The following KIAA1210 variants were observed in gnomAD, a reference collection of about 807,000 sequenced individuals.
KIAA1210 encodes the protein acrosomal protein KIAA1210.
In KIAA1210, 48 loss-of-function variants were observed where a neutral mutation model predicts 78.9. That is an observed-to-expected ratio of 0.61 (90% CI 0.48 to 0.77). The LOEUF is 0.77. Among genes scored for constraint, KIAA1210 ranks in the 30% least tolerant of loss-of-function variants. The pLI, the probability that KIAA1210 is intolerant of heterozygous loss-of-function variation, is 0.00. For synonymous variants in KIAA1210, 406 were observed against 404.5 expected (o/e 1.00, Z -0.04); for missense variants, 1,108 against 1,100.0 (o/e 1.01, Z -0.10).
At chrX:119,111,274 T>C (rs1418069207) in intron 3 of KIAA1210, among the ~76,000 whole-genome samples, 1 of 111,898 alleles carries the variant, frequency 8.9e-6, no homozygotes, top group Non-Finnish European at 1.9e-5. Context: ...TCTCACAACA[T>C]ATATAAAAAT....
Position 119,089,570 on chromosome X carries a change from C to T in KIAA1210, c.1132G>A (p.Gly378Arg). 1 of 1,211,612 alleles carries T rather than the reference C, an allele frequency of 8.3e-7. No homozygotes were observed. Among genetic ancestry groups the T allele is most frequent in the East Asian group, 3.0e-5 (1 of 33,834 alleles). Residue 378 changes from glycine (G) to arginine (R), a missense_variant, in exon 9 of 12, where the codon GGA becomes AGA. By Grantham distance (125) the Gly-to-Arg change is moderately radical. Transcript: ENST00000691062. ...TCACTGGATTGTTTAAGGCTTCTTC[C>T]TTTGAATTCACACCCACTCAATCCT... ...VSGLSGCEFKGRSLKQSSEGY... is the reference protein window; with the variant it reads ...VSGLSGCEFKRRSLKQSSEGY...
At chrX:119,147,141 G>A (rs1206443671) in intron 2 of KIAA1210, among the ~76,000 whole-genome samples, 1 of 110,973 alleles carries the variant, frequency 9.0e-6, no homozygotes, top group South Asian at 4.0e-4. Context: ...TAGGTATGCC[G>A]CAAGGTCTCG....
chrX:119,079,236 C>T lies in KIAA1210; in HGVS notation c.*2093G>A. 1 of 111,997 alleles carries T rather than the reference C, an allele frequency of 8.9e-6. No homozygotes were observed. The highest frequency in any genetic ancestry group is 3.2e-5 in the African/African-American group (1 of 30,805). The allele number at this position is 111,997 out of a possible 1,213,427, so 9.2% of individuals were successfully genotyped here. Reference sequence around the variant, plus strand: ...CTCTGGATTTTTTTGCATGGGGCAGCACCCCACTCAGAATATAAAGGCACA... The same window carrying T: ...CTCTGGATTTTTTTGCATGGGGCAGTACCCCACTCAGAATATAAAGGCACA... On this transcript the variant is annotated 3_prime_UTR_variant, in exon 12 of 12. Coordinates refer to ENST00000691062, the MANE Select transcript of KIAA1210 (RefSeq NM_001394962.1).
rs7063611 is a variant in KIAA1210 at position 119,088,700 on chromosome X, G to C, written c.2002C>G (p.Pro668Ala). 3,479 of 1,208,583 alleles carry C rather than the reference G, an allele frequency of 2.9e-3. 56 individuals carry two copies. In the African/African-American group the frequency reaches 0.049, roughly 17 times the overall value. The change falls in exon 9 of 12, where the codon CCT becomes GCT. Residue 668 changes from proline (P) to alanine (A), a missense_variant. Pro to Ala is a conservative substitution (Grantham distance 27, BLOSUM62 -1). Around this residue, in one of 5 missense-constraint regions of KIAA1210, gnomAD observed 672 missense variants for 607.1 expected, o/e 1.11. Transcript: ENST00000691062. ...LRCLSQALEE[P>A]EDAEVFTESS... ...TCTGTGAAGACTTCTGCATCTTCAGGCTCCTCTAAAGCCTGGGAGAGGCAT... is the reference window on the plus strand; with the variant it reads ...TCTGTGAAGACTTCTGCATCTTCAGCCTCCTCTAAAGCCTGGGAGAGGCAT...
chrX:119,082,866 C>T, intron 11 of KIAA1210, 149 bp downstream of exon 11: 1 of 384,338 alleles, frequency 2.6e-6, no homozygotes, highest in Non-Finnish European at 4.5e-6. Flanking sequence ...CTAAAATAAG[C>T]TAATATTTGT....
chrX:119,112,327 A>C (rs192854787), intron 3 of KIAA1210, among the ~76,000 whole-genome samples: 1 of 111,803 alleles, frequency 8.9e-6, no homozygotes, highest in East Asian at 2.8e-4. Flanking sequence ...AAGATGACCT[A>C]CGTAATGGAA....
chrX:119,144,507 T>G (rs1929123097), intron 2 of KIAA1210, among the ~76,000 whole-genome samples: 2 of 111,816 alleles, frequency 1.8e-5, no homozygotes, highest in Admixed American at 1.9e-4. Flanking sequence ...CTACTATGAT[T>G]ACCATTTTAT....
chrX:119,126,857 G>C (rs759318829), intron 1 of KIAA1210, among the ~76,000 whole-genome samples: 1 of 112,121 alleles, frequency 8.9e-6, no homozygotes, highest in East Asian at 2.8e-4. Context: ...GATTGCTTGA[G>C]CCCAGGGCTT....
At chrX:119,103,028 C>T (rs1927781673) in intron 6 of KIAA1210, among the ~76,000 whole-genome samples, 2 of 111,890 alleles carry the variant, frequency 1.8e-5, no homozygotes, top group Admixed American at 9.5e-5. Flanking sequence ...AAAAATGCAA[C>T]CATTTGTCTC....
chrX:119,091,776 A>G (rs962404153), intron 8 of KIAA1210, among the ~76,000 whole-genome samples: 3 of 112,161 alleles, frequency 2.7e-5, no homozygotes, highest in African/African-American at 9.7e-5. Context: ...GAATGAAATA[A>G]TGTCTTTTGT....
In KIAA1210 at chrX:119,086,814, A is replaced by T; in HGVS notation, c.3888T>A (p.Val1296=). ...QHANLSNQDD[V]EKLFGVRLKR... is the part of the protein sequence containing the mutation. ...TCAGTCGAACTCCAAAAAGCTTTTC[A>T]ACATCATCCTGATTGGATAGGTTTG... The change falls in exon 9 of 12, where the codon GTT becomes GTA. Residue 1296 remains valine (V), a synonymous_variant. Transcript: ENST00000691062. 8.3e-7 allele frequency: 1 copy of T among 1,211,463 alleles called. No individual in the cohort carries two copies. Among genetic ancestry groups the T allele is most frequent in the Non-Finnish European group, 1.1e-6 (1 of 895,409 alleles).
At chrX:119,127,337 GA>G (rs376403248) in intron 1 of KIAA1210, among the ~76,000 whole-genome samples, 2,346 of 102,896 alleles carry the variant, frequency 0.023, 68 homozygotes, top group African/African-American at 0.078. Context: ...GATAGAAAGG[GA>G]AAAAAAAAAC....
In KIAA1210 at chrX:119,081,421, G is replaced by C; in HGVS notation, c.4510C>G (p.Gln1504Glu). The change falls in exon 12 of 12, where the codon CAG (glutamine) becomes GAG (glutamate). Residue 1504 changes from glutamine to glutamate, a missense_variant. By Grantham distance (29) the Gln-to-Glu change is conservative. Around this residue, in one of 5 missense-constraint regions of KIAA1210, gnomAD observed 245 missense variants for 278.8 expected, o/e 0.88. Transcript: ENST00000691062. The part of the protein sequence containing the change: ...KRSSTLPAKF[Q>E]NPVEPIEPVW... ...GGCTCAATTGGCTCAACTGGGTTCTGGAACTTGGCTGGGAGAGTTGAAGAT... is the reference window on the plus strand; with the variant it reads ...GGCTCAATTGGCTCAACTGGGTTCTCGAACTTGGCTGGGAGAGTTGAAGAT... 1 of 1,210,869 alleles carries C rather than the reference G, an allele frequency of 8.3e-7. No homozygotes were observed. The highest frequency in any genetic ancestry group is 1.1e-6 in the Non-Finnish European group (1 of 894,870).
intron 3 of KIAA1210, among the ~76,000 whole-genome samples, chrX:119,112,472 AAAT>A (rs1275315564): frequency 8.9e-6 from 1 of 111,931 alleles, no homozygotes; most frequent in Non-Finnish European, 1.9e-5. Context: ...CCCAATTAGA[AAAT>A]AAAAAAAGAT....
chrX:119,133,702 C>T (rs1237801607), intron 2 of KIAA1210, among the ~76,000 whole-genome samples: 4 of 105,200 alleles, frequency 3.8e-5, no homozygotes, highest in Non-Finnish European at 5.8e-5. Flanking sequence ...CTGTGTCTCG[C>T]TCTGTCGCCA....
rs34835592 is a variant in KIAA1210, at chrX:119,108,369, C to T, written c.460G>A (p.Ala154Thr). ...ATCTTGGGGCCAGCAACCCAGACTG[C>T]ACTTGTAGGCACATTTTGAAGCACA... ...GAVLQNVPTS[A>T]VWVAGPKITE... The change falls in exon 5 of 12, where the codon GCA (alanine) becomes ACA (threonine). Residue 154 changes from alanine (A) to threonine (T), a missense_variant. Ala to Thr is a moderately conservative substitution (Grantham distance 58). Coordinates refer to ENST00000691062, the MANE Select transcript of KIAA1210 (RefSeq NM_001394962.1). 3,162 of 1,208,147 alleles carry T rather than the reference C, an allele frequency of 2.6e-3. 47 individuals carry two copies. The African/African-American group carries it at 0.044, about 17-fold the overall frequency.
intron 2 of KIAA1210, among the ~76,000 whole-genome samples, chrX:119,138,821 G>A (rs1486420703): frequency 2.7e-5 from 3 of 111,742 alleles, no homozygotes; most frequent in African/African-American, 9.8e-5. Context: ...AAAAGAAAAA[G>A]CCACACTGGA....
chrX:119,141,874 T>C (rs1196295880), intron 2 of KIAA1210, among the ~76,000 whole-genome samples: 3 of 112,440 alleles, frequency 2.7e-5, no homozygotes, highest in African/African-American at 9.7e-5. Flanking sequence ...AGGAAGTAGG[T>C]GGAATGAAAG....
At chrX:119,127,337 G>GA (rs376403248) in intron 1 of KIAA1210, among the ~76,000 whole-genome samples, 17 of 102,857 alleles carry the variant, frequency 1.7e-4, no homozygotes, top group East Asian at 1.5e-3. Context: ...GATAGAAAGG[G>GA]AAAAAAAAAA....
Sources: allele counts gnomAD v4.1 joint callset (sites outside exome capture counted in the v4.1 genomes callset), GRCh38; gene constraint gnomAD v4.1.1; regional missense constraint gnomAD v4.1.1; transcripts MANE v1.5; gene names NCBI Gene and HGNC (gene_info 2026-07-23, HGNC 2026-07-21).